The following ESR1 variants were observed in gnomAD, a reference collection of about 807,000 sequenced individuals.
The protein encoded by ESR1 is estrogen receptor 1.
In ESR1, 12 loss-of-function variants were observed where a neutral mutation model predicts 52.7. The ratio of observed to expected loss-of-function variants is 0.23; its 90% confidence interval spans 0.15 to 0.37. ESR1 has a LOEUF of 0.37. Among genes scored for constraint, ESR1 ranks in the 10% least tolerant of loss-of-function variants. ESR1 has a pLI of 1.00. For missense variants in ESR1, 584 were observed against 779.7 expected, an observed-to-expected ratio of 0.75 and a Z score of 2.99; for synonymous variants, 305 against 316.8, an observed-to-expected ratio of 0.96 and a Z score of 0.39.
chr6:151,737,175 C>A (rs1340028494), intron 2 of ESR1, among the ~76,000 whole-genome samples: 1 of 152,148 alleles, frequency 6.6e-6, no homozygotes, highest in Non-Finnish European at 1.5e-5. Context: ...GGAAGTACAT[C>A]ATTTCCATAA....
intron 3 of ESR1, among the ~76,000 whole-genome samples, chr6:151,925,586 A>G (rs896236731): frequency 5.3e-5 from 8 of 152,154 alleles, no homozygotes; most frequent in African/African-American, 1.9e-4. Flanking sequence ...CAGTCTGGGC[A>G]ACAAGAATGA....
At chr6:151,881,298 G>A (rs1438304909) in intron 3 of ESR1, among the ~76,000 whole-genome samples, 2 of 152,274 alleles carry the variant, frequency 1.3e-5, no homozygotes, top group East Asian at 3.9e-4. Flanking sequence ...CTTAACCTCA[G>A]TGTCTAGCAT....
intron 4 of ESR1, among the ~76,000 whole-genome samples, chr6:151,969,810 C>T (rs974410040): frequency 1.3e-5 from 2 of 152,094 alleles, no homozygotes; most frequent in South Asian, 4.1e-4. Context: ...CACTCATTGT[C>T]TCAGGCAAAT....
At chr6:152,067,430 G>T (rs1055774034) in intron 6 of ESR1, among the ~76,000 whole-genome samples, 12 of 152,168 alleles carry the variant, frequency 7.9e-5, no homozygotes, top group African/African-American at 2.4e-4. Context: ...CTATCACTTT[G>T]TGTCCTCAAG....
chr6:151,700,325 C>T (rs1403335802), intron 1 of ESR1, among the ~76,000 whole-genome samples: 1 of 152,092 alleles, frequency 6.6e-6, no homozygotes, highest in Non-Finnish European at 1.5e-5. Flanking sequence ...CTCCATAATG[C>T]ATGCTTATGA....
chr6:151,848,403 C>A (rs1234371670), intron 2 of ESR1, among the ~76,000 whole-genome samples: 1 of 131,744 alleles, frequency 7.6e-6, no homozygotes, highest in East Asian at 2.2e-4. Flanking sequence ...GGGTGCAGCG[C>A]ACCAGCATGG....
chr6:152,105,809 C>T (rs2051059325), downstream of ESR1, among the ~76,000 whole-genome samples: 2 of 104,166 alleles, frequency 1.9e-5, no homozygotes, highest in African/African-American at 7.8e-5. Context: ...GAGACGGAGT[C>T]TCGCTCTGTC....
At chr6:151,865,481 G>T (rs1394675472) in intron 2 of ESR1, among the ~76,000 whole-genome samples, 3 of 152,196 alleles carry the variant, frequency 2.0e-5, no homozygotes, top group African/African-American at 7.2e-5. Context: ...ACCCAGGATC[G>T]CATGGAGCTT....
intron 2 of ESR1, among the ~76,000 whole-genome samples, chr6:151,878,550 C>T (rs1792246192): frequency 6.6e-6 from 1 of 152,102 alleles, no homozygotes; most frequent in African/African-American, 2.4e-5. Context: ...TCTAATTGGG[C>T]CTGACCCTTA....
At chr6:152,106,225 T>C (rs2051065718), downstream of ESR1, among the ~76,000 whole-genome samples, 1 of 152,256 alleles carries the variant, frequency 6.6e-6, no homozygotes, top group African/African-American at 2.4e-5. Context: ...CTATATATGC[T>C]ATAAGCTCAA....
chr6:152,013,252 T>C (rs914706150), intron 5 of ESR1, among the ~76,000 whole-genome samples: 1 of 152,226 alleles, frequency 6.6e-6, no homozygotes, highest in African/African-American at 2.4e-5. Flanking sequence ...TCTTTCTTTC[T>C]CCTGTCCTCT....
At chr6:151,862,832 G>C (rs1176095638) in intron 2 of ESR1, among the ~76,000 whole-genome samples, 2 of 152,116 alleles carry the variant, frequency 1.3e-5, no homozygotes. Context: ...TCTGTGAGTT[G>C]TAGGGAAATA....
chr6:151,863,890 C>T (rs529022253), intron 2 of ESR1, among the ~76,000 whole-genome samples: 1 of 152,272 alleles, frequency 6.6e-6, no homozygotes, highest in Admixed American at 6.5e-5. Context: ...CACTTCCTTA[C>T]ACCTTATACA....
chr6:152,069,697 C>G (rs562156312), intron 6 of ESR1, among the ~76,000 whole-genome samples: 1 of 136,530 alleles, frequency 7.3e-6, no homozygotes, highest in Non-Finnish European at 1.5e-5. Context: ...GGGCAGTTCA[C>G]AGTAGGGTTC....
At chr6:151,673,027 C>T (rs1367218137) in intron 1 of ESR1, among the ~76,000 whole-genome samples, 3 of 151,278 alleles carry the variant, frequency 2.0e-5, no homozygotes, top group Non-Finnish European at 2.9e-5. Flanking sequence ...AGAGTTTCAC[C>T]GTATTAGCCA....
chr6:151,810,323 T>C (rs1778605801), intron 1 of ESR1, among the ~76,000 whole-genome samples: 1 of 152,162 alleles, frequency 6.6e-6, no homozygotes, highest in Non-Finnish European at 1.5e-5. Context: ...TGTGTGGAAA[T>C]TCAGTTTTAG....
At chr6:152,049,143 C>G (rs2046466447) in intron 5 of ESR1, among the ~76,000 whole-genome samples, 1 of 152,226 alleles carries the variant, frequency 6.6e-6, no homozygotes, top group Admixed American at 6.5e-5. Flanking sequence ...CAAGCAAACT[C>G]AAGTGGATCA....
intron 4 of ESR1, among the ~76,000 whole-genome samples, chr6:151,948,021 T>C (rs1036174169): frequency 9.9e-5 from 15 of 152,242 alleles, no homozygotes; most frequent in Admixed American, 4.6e-4. Flanking sequence ...TAAAAGTAGA[T>C]AATTAAATCT....
intron 2 of ESR1, among the ~76,000 whole-genome samples, chr6:151,782,034 A>G (rs991541106): frequency 2.0e-5 from 3 of 152,228 alleles, no homozygotes; most frequent in Non-Finnish European, 2.9e-5. Flanking sequence ...TGGTGGAGAA[A>G]TGTATGTTCT....
Sources: allele counts gnomAD v4.1 joint callset (sites outside exome capture counted in the v4.1 genomes callset), GRCh38; gene constraint gnomAD v4.1.1; transcripts MANE v1.5; gene names NCBI Gene and HGNC (gene_info 2026-07-23, HGNC 2026-07-21).